Variants in IQSEC1 observed in about 807,000 individuals in gnomAD.
IQSEC1 encodes the protein IQ motif and Sec7 domain ArfGEF 1.
Under a neutral mutation model 91.0 loss-of-function variants are expected in IQSEC1, and 31 were observed. The observed-to-expected ratio is 0.34, with a 90% CI of 0.26 to 0.46. The LOEUF is 0.46. IQSEC1 is among the 20% of genes least tolerant of loss of function. The probability of loss-of-function intolerance (pLI) is 1.00; values close to 1 mark genes in which losing one functional copy is unlikely to be tolerated. For synonymous variants in IQSEC1, 699 were observed against 662.6 expected (o/e 1.05, Z -0.84); for missense variants, 1,388 against 1,575.6 (o/e 0.88, Z 2.02).
chr3:13,213,517 T>G (rs1322434076), intron 1 of IQSEC1, among the ~76,000 whole-genome samples: 1 of 152,194 alleles, frequency 6.6e-6, no homozygotes, highest in African/African-American at 2.4e-5. Flanking sequence ...AGCTTCTCTG[T>G]GAATTATGGA....
chr3:12,969,726 TCTC>T (rs1465763929), intron 1 of IQSEC1, among the ~76,000 whole-genome samples: 1 of 152,128 alleles, frequency 6.6e-6, no homozygotes, highest in Non-Finnish European at 1.5e-5. Context: ...TTCAGGCACT[TCTC>T]CAGGCCCAGG....
chr3:13,282,049 A>G lies in IQSEC1; in HGVS notation c.272+662T>C, dbSNP rs1328674785. On this transcript the variant is annotated intron_variant, in intron 1 of 15. Transcript: ENST00000648114. This position sits in a 1 kb window ranked among gnomAD's most constrained non-coding sequence, Gnocchi z 6.4. ...CGAGCCGGTAGGGACGCTGGGGTCC[A>G]GGGCTGCTGGACAGCCCCGCCCTGT... 6.6e-6 allele frequency among the ~76,000 whole-genome samples: 1 copy of G among 152,198 alleles called. No individual in the cohort carries two copies. Among genetic ancestry groups the G allele is most frequent in the Non-Finnish European group, 1.5e-5 (1 of 68,026 alleles).
intron 1 of IQSEC1, among the ~76,000 whole-genome samples, chr3:13,180,448 A>G (rs1282217339): frequency 6.6e-6 from 1 of 152,058 alleles, no homozygotes; most frequent in East Asian, 1.9e-4. Flanking sequence ...AAATACACCA[A>G]TCAGCGCCCT....
chr3:12,947,701 G>A (rs573479087), intron 1 of IQSEC1, among the ~76,000 whole-genome samples: 1 of 152,338 alleles, frequency 6.6e-6, no homozygotes, highest in Non-Finnish European at 1.5e-5. Flanking sequence ...GAGCACGTAA[G>A]GGCCTGGAGC....
At chr3:13,073,466 C>T (rs570167849), upstream of IQSEC1, among the ~76,000 whole-genome samples, 4 of 152,298 alleles carry the variant, frequency 2.6e-5, no homozygotes, top group African/African-American at 7.2e-5. Context: ...TCCCCCACCC[C>T]CCGCGCCCAA....
intron 9 of IQSEC1, among the ~76,000 whole-genome samples, chr3:12,912,670 C>CAAAA (rs561314162): frequency 3.0e-4 from 16 of 54,016 alleles, no homozygotes; most frequent in Non-Finnish European, 4.1e-4. Context: ...GACTCCGTCT[C>CAAAA]AAAAAAAAAA....
At chr3:13,257,028 GT>G (rs1359529903) in intron 1 of IQSEC1, among the ~76,000 whole-genome samples, 3 of 152,108 alleles carry the variant, frequency 2.0e-5, no homozygotes, top group Non-Finnish European at 2.9e-5. Context: ...TTTCCCTTTT[GT>G]AAAAAAGAAA....
chr3:13,209,590 G>A, intron 1 of IQSEC1, among the ~76,000 whole-genome samples: 1 of 152,088 alleles, frequency 6.6e-6, no homozygotes, highest in East Asian at 1.9e-4. Context: ...CATGTGCCTG[G>A]GGCTAGGCTC....
intron 1 of IQSEC1, among the ~76,000 whole-genome samples, chr3:13,169,779 G>A (rs1432470102): frequency 6.6e-6 from 1 of 152,158 alleles, no homozygotes; most frequent in Non-Finnish European, 1.5e-5. Flanking sequence ...GATGATTTAG[G>A]GTATCTGGTG....
In IQSEC1 at chr3:12,900,723, G is replaced by C; in HGVS notation, c.*260C>G. ...CTACTTGGCTGGCTCACCGTTTCAAGGCTGATGGTGTCTGAGGCCCACCCA... is the reference window on the plus strand; with the variant it reads ...CTACTTGGCTGGCTCACCGTTTCAACGCTGATGGTGTCTGAGGCCCACCCA... On this transcript the variant is annotated 3_prime_UTR_variant, in exon 14 of 14. Coordinates refer to ENST00000613206, the MANE Select transcript of IQSEC1 (RefSeq NM_001134382.3). 7.1e-7 allele frequency: 1 copy of C among 1,405,044 alleles called. No homozygotes were observed. Among genetic ancestry groups the C allele is most frequent in the East Asian group, 2.7e-5 (1 of 37,382 alleles). 87.0% of individuals were successfully genotyped at this position (1,405,044 alleles called of 1,614,324 possible). A position where few individuals can be genotyped will look rare whatever the true frequency, so the allele number is the denominator to read the frequency against.
chr3:13,102,148 T>C (rs891827992), intron 2 of IQSEC1, among the ~76,000 whole-genome samples: 2 of 152,048 alleles, frequency 1.3e-5, no homozygotes, highest in Non-Finnish European at 1.5e-5. Context: ...CATGGTGATG[T>C]GCATCTGTAG....
At chr3:13,010,364 T>C (rs1702827073) in intron 1 of IQSEC1, among the ~76,000 whole-genome samples, 1 of 152,220 alleles carries the variant, frequency 6.6e-6, no homozygotes, top group Non-Finnish European at 1.5e-5. Flanking sequence ...GAGCTTGGTC[T>C]ATCAGAGAGA....
intron 1 of IQSEC1, among the ~76,000 whole-genome samples, chr3:13,174,842 C>A (rs545161871): frequency 5.9e-5 from 9 of 151,622 alleles, no homozygotes; most frequent in South Asian, 2.1e-4. Context: ...CTCCCCCCCC[C>A]CACCTCCTCC....
intron 1 of IQSEC1, among the ~76,000 whole-genome samples, chr3:13,027,041 A>G (rs1347207660): frequency 2.0e-5 from 3 of 152,182 alleles, no homozygotes. Flanking sequence ...CAGTCTTCCA[A>G]TGGTGCCCAG....
Position 13,084,788 on chromosome 3 carries a change from C to T in IQSEC1, c.303-37266G>A, listed in dbSNP as rs567960208. ...TTGGCCGTAGTAACCAAGATCTATG[C>T]CCAGAACTGGGGAGGCGATAGTCTT... On this transcript the variant is annotated intron_variant, in intron 2 of 15. Coordinates refer to the IQSEC1 transcript ENST00000648114. 4.6e-5 allele frequency among the ~76,000 whole-genome samples: 7 copies of T among 152,292 alleles called. No homozygotes were observed. In the South Asian group the frequency reaches 1.5e-3, roughly 32 times the overall value.
At chr3:13,234,729 C>T (rs1478870108) in intron 1 of IQSEC1, among the ~76,000 whole-genome samples, 2 of 152,196 alleles carry the variant, frequency 1.3e-5, no homozygotes, top group Non-Finnish European at 2.9e-5. Context: ...TTTCCCTCCC[C>T]TGCCTCTCAC....
At chr3:13,133,320 G>A (rs1706652209) in intron 2 of IQSEC1, among the ~76,000 whole-genome samples, 1 of 152,196 alleles carries the variant, frequency 6.6e-6, no homozygotes, top group Non-Finnish European at 1.5e-5. Context: ...CTCTTAGCAG[G>A]GATATTACAG....
intron 1 of IQSEC1, among the ~76,000 whole-genome samples, chr3:13,227,043 C>T (rs1211188395): frequency 6.6e-6 from 1 of 152,038 alleles, no homozygotes; most frequent in African/African-American, 2.4e-5. Context: ...GATCATGCCA[C>T]TGTAGTCCAG....
chr3:13,021,261 G>A (rs1703383231), intron 1 of IQSEC1, among the ~76,000 whole-genome samples: 1 of 152,154 alleles, frequency 6.6e-6, no homozygotes, highest in Non-Finnish European at 1.5e-5. Context: ...AGCTGCAGAG[G>A]CCGCAGCGAT....
Sources: allele counts gnomAD v4.1 joint callset (sites outside exome capture counted in the v4.1 genomes callset), GRCh38; gene constraint gnomAD v4.1.1; non-coding constraint Gnocchi (gnomAD v3.1); transcripts MANE v1.5; gene names NCBI Gene and HGNC (gene_info 2026-07-23, HGNC 2026-07-21).